ACTR3B: variants seen among roughly 807,000 people sequenced by gnomAD.
ACTR3B encodes the protein actin-related protein 3B.
Under a neutral mutation model 59.0 loss-of-function variants are expected in ACTR3B, and 8 were observed. That is an observed-to-expected ratio of 0.14 (90% confidence interval 0.08 to 0.24). The LOEUF is 0.24. Among genes scored for constraint, ACTR3B ranks in the 10% least tolerant of loss-of-function variants. The pLI, the probability that ACTR3B is intolerant of heterozygous loss-of-function variation, is 1.00. For missense variants in ACTR3B, 245 were observed against 552.3 expected, an observed-to-expected ratio of 0.44 and a Z score of 5.58; for synonymous variants, 148 against 197.9, an observed-to-expected ratio of 0.75 and a Z score of 2.12.
Position 152,794,954 on chromosome 7 carries a change from C to T in ACTR3B, c.101-5577C>T, listed in dbSNP as rs1165662096. On this transcript the variant is annotated intron_variant, in intron 2 of 11. Transcript: ENST00000256001. Reference sequence around the variant, plus strand: ...GAAAAGGAGGTGGGGAAAGTGATTTCTGCCCTGTGTCTTTTTCTTTTCACC... The same window carrying T: ...GAAAAGGAGGTGGGGAAAGTGATTTTTGCCCTGTGTCTTTTTCTTTTCACC... 7.2e-5 allele frequency among the ~76,000 whole-genome samples: 11 copies of T among 152,056 alleles called. 1 individual carries two copies. The South Asian group carries it at 1.5e-3, about 20-fold the overall frequency.
chr7:152,765,108 C>G (rs1236972736), intron 1 of ACTR3B, among the ~76,000 whole-genome samples: 1 of 99,006 alleles, frequency 1.0e-5, no homozygotes, highest in Non-Finnish European at 2.0e-5. Flanking sequence ...TTACCCTGGC[C>G]CTTTTTTTTT....
intron 9 of ACTR3B, among the ~76,000 whole-genome samples, chr7:152,850,835 C>T (rs60937939): frequency 0.014 from 2,067 of 152,336 alleles, 21 homozygotes; most frequent in East Asian, 0.035. Context: ...ACTGTTCACA[C>T]ACTCAGAGCT....
chr7:152,848,308 T>TG (rs1217292430), intron 9 of ACTR3B, among the ~76,000 whole-genome samples: 2 of 152,146 alleles, frequency 1.3e-5, no homozygotes, highest in East Asian at 1.9e-4. Flanking sequence ...CAGGCTTCCT[T>TG]GGGGCACTGT....
rs566268187 is a variant in ACTR3B, at chr7:152,825,505, C to T, written c.951+383C>T. ...TTTTTTTTTTGTATTTCAGTAGAGA[C>T]GGTGTTTCACCATGTTGCCCAGGCT... is the stretch of plus-strand genomic sequence containing the variant. On this transcript the variant is annotated intron_variant, in intron 9 of 11. Coordinates refer to ENST00000256001, the MANE Select transcript of ACTR3B (RefSeq NM_020445.6). 2.8e-3 allele frequency among the ~76,000 whole-genome samples: 427 copies of T among 151,996 alleles called. 3 individuals are homozygous for T. Among genetic ancestry groups the T allele is most frequent in the African/African-American group, 9.8e-3 (408 of 41,426 alleles).
intron 2 of ACTR3B, among the ~76,000 whole-genome samples, chr7:152,785,533 A>G (rs1337851781): frequency 2.2e-5 from 3 of 139,096 alleles, no homozygotes; most frequent in Non-Finnish European, 4.6e-5. Flanking sequence ...GAGAGAAGAG[A>G]GGCAAGAGGG....
intron 6 of ACTR3B, among the ~76,000 whole-genome samples, chr7:152,817,727 A>C (rs1160669661): frequency 6.6e-6 from 1 of 152,206 alleles, no homozygotes; most frequent in African/African-American, 2.4e-5. Context: ...GTGTATGTGT[A>C]TATATTTACA....
intron 4 of ACTR3B, chr7:152,813,673 A>G (rs1051124087): frequency 6.6e-6 from 1 of 151,554 alleles, no homozygotes; most frequent in Non-Finnish European, 1.5e-5. Flanking sequence ...GATCACAGGC[A>G]TGTGCCACCA....
chr7:152,773,810 C>G (rs13311022), intron 1 of ACTR3B, among the ~76,000 whole-genome samples: 1 of 152,182 alleles, frequency 6.6e-6, no homozygotes, highest in African/African-American at 2.4e-5. Context: ...CAGAAAACTT[C>G]TGGAGAAGGC....
Position 152,819,721 on chromosome 7 carries a change from C to T in ACTR3B, c.541-578C>T, listed in dbSNP as rs1342145504. Among the ~76,000 whole-genome samples the T allele has an allele frequency of 7.9e-5, 12 of 152,138 alleles. No homozygotes were observed. The East Asian group carries it at 1.9e-3, about 24-fold the overall frequency. On this transcript the variant is annotated intron_variant, in intron 6 of 11. Coordinates refer to ENST00000256001, the MANE Select transcript of ACTR3B (RefSeq NM_020445.6). ...AAACCAGTGCTGTGTGCTCGACACACGCAGTTTCATCTGAACTGTATCATT... is the reference window on the plus strand; with the variant it reads ...AAACCAGTGCTGTGTGCTCGACACATGCAGTTTCATCTGAACTGTATCATT...
intron 1 of ACTR3B, among the ~76,000 whole-genome samples, chr7:152,773,915 C>T (rs1368563790): frequency 6.6e-6 from 1 of 152,118 alleles, no homozygotes; most frequent in Non-Finnish European, 1.5e-5. Flanking sequence ...TGCTCCTCAG[C>T]CCTCCTATTC....
At chr7:152,788,253 G>C (rs528840467) in intron 2 of ACTR3B, among the ~76,000 whole-genome samples, 1 of 152,034 alleles carries the variant, frequency 6.6e-6, no homozygotes, top group African/African-American at 2.4e-5. Context: ...ACTGTGCCCG[G>C]CCTTGATTAT....
chr7:152,853,810 G>A (rs1220252140), intron 11 of ACTR3B, among the ~76,000 whole-genome samples: 4 of 152,050 alleles, frequency 2.6e-5, no homozygotes, highest in East Asian at 1.9e-4. Flanking sequence ...TCCGCCTCCC[G>A]GGTTTAAGCA....
intron 10 of ACTR3B, 79 bp downstream of exon 10, chr7:152,852,330 A>T (rs1798878523): frequency 7.3e-6 from 11 of 1,508,910 alleles, no homozygotes; most frequent in Non-Finnish European, 9.7e-6. Context: ...ACAGAGCCGA[A>T]GGAGCTTGTC....
intron 2 of ACTR3B, among the ~76,000 whole-genome samples, chr7:152,800,292 T>C (rs1161653695): frequency 6.6e-6 from 1 of 152,286 alleles, no homozygotes; most frequent in Non-Finnish European, 1.5e-5. Context: ...TCTGTCAGTA[T>C]AAAAGTAGAG....
chr7:152,818,217 A>C (rs1795862914), intron 6 of ACTR3B, among the ~76,000 whole-genome samples: 1 of 152,174 alleles, frequency 6.6e-6, no homozygotes, highest in Non-Finnish European at 1.5e-5. Flanking sequence ...CCTATTTCTT[A>C]TGTCTGATTT....
intron 9 of ACTR3B, among the ~76,000 whole-genome samples, chr7:152,839,265 G>A (rs1172728005): frequency 2.4e-5 from 3 of 125,124 alleles, no homozygotes; most frequent in East Asian, 2.3e-4. Flanking sequence ...GCTGCGGGGC[G>A]GGGGGTGGCG....
intron 2 of ACTR3B, among the ~76,000 whole-genome samples, chr7:152,797,330 C>G (rs1425982881): frequency 6.6e-6 from 1 of 152,130 alleles, no homozygotes; most frequent in African/African-American, 2.4e-5. Context: ...ATCCTCCTGC[C>G]TTAGCCTCCT....
At chr7:152,807,927 C>T (rs2098257540) in intron 4 of ACTR3B, among the ~76,000 whole-genome samples, 1 of 152,134 alleles carries the variant, frequency 6.6e-6, no homozygotes, top group African/African-American at 2.4e-5. Context: ...TTTGAATGTG[C>T]AGCTTGGTGG....
chr7:152,805,389 T>C (rs1440968375), intron 4 of ACTR3B, among the ~76,000 whole-genome samples: 1 of 152,144 alleles, frequency 6.6e-6, no homozygotes. Flanking sequence ...AGCAGCCAGC[T>C]CCAAGCAGCA....
Sources: allele counts gnomAD v4.1 joint callset (sites outside exome capture counted in the v4.1 genomes callset), GRCh38; gene constraint gnomAD v4.1.1; transcripts MANE v1.5; gene names NCBI Gene and HGNC (gene_info 2026-07-23, HGNC 2026-07-21).